The following NCOR1 variants were observed in gnomAD, a reference collection of about 807,000 sequenced individuals.
NCOR1 encodes nuclear receptor corepressor 1.
In NCOR1, 63 loss-of-function variants were observed where a neutral mutation model predicts 288.1. The ratio of observed to expected loss-of-function variants is 0.22; its 90% CI spans 0.18 to 0.27. The LOEUF (loss-of-function observed/expected upper bound fraction) is 0.27, where lower values mean the gene tolerates loss of function less well. NCOR1 is among the 10% of genes least tolerant of loss of function. The pLI is 1.00. For synonymous variants in NCOR1, 1,007 were observed against 1,065.9 expected, an observed-to-expected ratio of 0.94 and a Z score of 1.08; for missense variants, 2,397 against 3,019.2, an observed-to-expected ratio of 0.79 and a Z score of 4.83.
chr17:16,086,957 G>C (rs983057733), intron 22 of NCOR1, among the ~76,000 whole-genome samples: 2 of 152,220 alleles, frequency 1.3e-5, no homozygotes, highest in Admixed American at 6.5e-5. Context: ...GGAAGAGCCA[G>C]TCAATGTCAC....
chr17:16,186,217 G>A lies in NCOR1; in HGVS notation c.242+337C>T, dbSNP rs923940214. On this transcript the variant is annotated intron_variant, in intron 3 of 45. Transcript: ENST00000268712. ...ACTTCGGCGATAAAATAAAGCCTGG[G>A]CCCAACTCCAGAGATTGATTTAAGT... Among the ~76,000 whole-genome samples the A allele has an allele frequency of 3.3e-5, 5 of 152,238 alleles. No homozygotes were observed. The East Asian group carries it at 9.6e-4, about 29-fold the overall frequency.
At position 16,127,299 on chromosome 17, in the gene NCOR1, A is replaced by ATATATGTG. The variant is rs1568195360; in HGVS notation, c.1510-1094_1510-1093insCACATATA. 5.0e-5 allele frequency among the ~76,000 whole-genome samples: 5 copies of ATATATGTG among 100,654 alleles called. 1 individual carries two copies. Among genetic ancestry groups the ATATATGTG allele is most frequent in the African/African-American group, 1.0e-4 (3 of 28,744 alleles). The allele number at this position is 100,654 out of a possible 152,430, so 66.0% of individuals were successfully genotyped here. On this transcript the variant is annotated intron_variant, in intron 14 of 45. Coordinates refer to ENST00000268712, the MANE Select transcript of NCOR1 (RefSeq NM_006311.4). The stretch of plus-strand genomic sequence containing the variant: ...TATATATACGTGTATATATGTATGT[A>ATATATGTG]TGTATATATACATGTATGTATATAT...
chr17:16,202,578 T>C lies in NCOR1; in HGVS notation c.-70-7939A>G, dbSNP rs529843414. Among the ~76,000 whole-genome samples the C allele has an allele frequency of 2.0e-4, 30 of 152,158 alleles. 1 individual carries two copies. Among genetic ancestry groups the C allele is most frequent in the African/African-American group, 7.0e-4 (29 of 41,500 alleles). Reference sequence around the variant, plus strand: ...GTCTAAGTGGATATTACTAAAAGAGTTACCATTTACTGAGCTCTAGATATA... The same window carrying C: ...GTCTAAGTGGATATTACTAAAAGAGCTACCATTTACTGAGCTCTAGATATA... On this transcript the variant is annotated intron_variant, in intron 1 of 45. Coordinates refer to ENST00000268712, the MANE Select transcript of NCOR1 (RefSeq NM_006311.4).
At chr17:16,035,405 T>C (rs752974976) in intron 44 of NCOR1, among the ~76,000 whole-genome samples, 2 of 152,172 alleles carry the variant, frequency 1.3e-5, no homozygotes, top group Non-Finnish European at 2.9e-5. Flanking sequence ...CAGGGGCAGA[T>C]TCAATCTCAA....
intron 9 of NCOR1, 79 bp from the exon 10 acceptor site, chr17:16,146,627 C>T: frequency 7.9e-7 from 1 of 1,264,710 alleles, no homozygotes; most frequent in East Asian, 2.6e-5. Flanking sequence ...AAAATAAATG[C>T]TACTTCTTAA....
At position 16,186,508 on chromosome 17, in the gene NCOR1, T is replaced by C. The variant is rs150641621; in HGVS notation, c.242+46A>G. 5.1e-6 allele frequency: 8 copies of C among 1,575,084 alleles called. No individual in the cohort carries two copies. The East Asian group carries it at 9.0e-5, about 18-fold the overall frequency. ...ATAAAATAATGACAAACTTGTATACTTCACAATTATAATCCTAGATAGAAA... is the reference window on the plus strand; with the variant it reads ...ATAAAATAATGACAAACTTGTATACCTCACAATTATAATCCTAGATAGAAA... On this transcript the variant is annotated intron_variant, in intron 3 of 45. Transcript: ENST00000268712.
intron 42 of NCOR1, 137 bp from the exon 43 acceptor site, chr17:16,040,631 G>T: frequency 1.2e-6 from 1 of 813,112 alleles, no homozygotes; most frequent in Non-Finnish European, 2.0e-6. Flanking sequence ...CCCATTAAGT[G>T]AAGATAAAAT....
intron 1 of NCOR1, among the ~76,000 whole-genome samples, chr17:16,205,612 G>A (rs178800): frequency 0.47 from 68,231 of 145,476 alleles, 16,549 homozygotes; most frequent in Middle Eastern, 0.6. Flanking sequence ...CAAGAGCGAG[G>A]CTCTGTCTAA....
intron 2 of NCOR1, among the ~76,000 whole-genome samples, chr17:16,188,264 A>G (rs186630843): frequency 1.3e-5 from 2 of 152,350 alleles, no homozygotes; most frequent in East Asian, 3.9e-4. Context: ...AAAATAACTC[A>G]TAGTCTAAGA....
chr17:16,101,135 T>C (rs2067557447), intron 20 of NCOR1, 115 bp downstream of exon 20: 1 of 1,011,028 alleles, frequency 9.9e-7, no homozygotes, highest in South Asian at 1.6e-5. Context: ...TTGTACAGAC[T>C]ACCTATAACG....
chr17:16,073,146 A>G (rs2061965445), intron 28 of NCOR1, among the ~76,000 whole-genome samples: 1 of 152,214 alleles, frequency 6.6e-6, no homozygotes, highest in African/African-American at 2.4e-5. Context: ...TAATCTGCAA[A>G]TTGTATGAGC....
At chr17:16,074,137 G>C (rs1303203034) in intron 27 of NCOR1, among the ~76,000 whole-genome samples, 1 of 152,100 alleles carries the variant, frequency 6.6e-6, no homozygotes, top group Non-Finnish European at 1.5e-5. Context: ...GAAGAGTGTG[G>C]GGGAGGTAAA....
At chr17:16,198,724 CA>C (rs1177903581) in intron 1 of NCOR1, 3,612 of 106,424 alleles carry the variant, frequency 0.034, 63 homozygotes, top group African/African-American at 0.074. Context: ...GAAACTCTGT[CA>C]AAAAAAAAAA....
At chr17:16,088,633 A>G (rs983775197) in intron 22 of NCOR1, among the ~76,000 whole-genome samples, 1 of 152,198 alleles carries the variant, frequency 6.6e-6, no homozygotes, top group Non-Finnish European at 1.5e-5. Context: ...AACAATTACA[A>G]AAATATCAAC....
In NCOR1 at chr17:16,030,722, C is replaced by T. The variant is rs1448491969; in HGVS notation, c.*1574G>A. 1.1e-5 allele frequency: 2 copies of T among 179,278 alleles called. No individual in the cohort carries two copies. 11.1% of individuals were successfully genotyped at this position (179,278 alleles called of 1,614,324 possible). A position where few individuals can be genotyped will look rare whatever the true frequency, so the allele number is the denominator to read the frequency against. ...AGCTTTGACTGAAGACAAATGTGGGCTTATGGCCTATCTCTGTCACTAATT... is the reference window on the plus strand; with the variant it reads ...AGCTTTGACTGAAGACAAATGTGGGTTTATGGCCTATCTCTGTCACTAATT... On this transcript the variant is annotated 3_prime_UTR_variant, in exon 46 of 46. Transcript: ENST00000268712.
rs560262741 is a variant in NCOR1, at chr17:16,127,748, T to G, written c.1510-1542A>C. On this transcript the variant is annotated intron_variant, in intron 14 of 45. Transcript: ENST00000268712. ...ATATATGTGTATATATGTGTGGAGA[T>G]ATATATATATATCTCTCATAGTATA... Among the ~76,000 whole-genome samples the G allele has an allele frequency of 5.5e-4, 56 of 101,236 alleles. 2 individuals carry two copies. The highest frequency in any genetic ancestry group is 1.2e-3 in the African/African-American group (33 of 28,414). 66.4% of individuals were successfully genotyped at this position (101,236 alleles called of 152,430 possible). A position where few individuals can be genotyped will look rare whatever the true frequency, so the allele number is the denominator to read the frequency against.
chr17:16,151,866 T>C, intron 8 of NCOR1, 80 bp downstream of exon 8: 5 of 1,070,800 alleles, frequency 4.7e-6, no homozygotes, highest in Non-Finnish European at 7.1e-6. Context: ...ATTATAATAA[T>C]GTCAGCAGAT....
intron 14 of NCOR1, among the ~76,000 whole-genome samples, chr17:16,130,690 T>TA (rs1415756229): frequency 6.6e-6 from 1 of 152,046 alleles, no homozygotes; most frequent in African/African-American, 2.4e-5. Context: ...TTTTTATTTT[T>TA]ATTTTCATTG....
At chr17:16,112,866 T>A (rs1229085932) in intron 18 of NCOR1, among the ~76,000 whole-genome samples, 1 of 152,132 alleles carries the variant, frequency 6.6e-6, no homozygotes, top group Non-Finnish European at 1.5e-5. Flanking sequence ...CTAAGAAAAC[T>A]TCAAAATTTT....
Sources: gnomAD v4.1 joint callset for allele counts (sites outside exome capture counted in the v4.1 genomes callset) on GRCh38, gnomAD v4.1.1 for gene constraint, MANE v1.5 for transcripts, NCBI Gene and HGNC (gene_info 2026-07-23, HGNC 2026-07-21) for gene names.